Variants in TC2N observed in about 807,000 individuals in gnomAD.
TC2N encodes tandem C2 domains, nuclear, also known as tandem C2 domains nuclear protein.
A neutral mutation model predicts 61.9 loss-of-function variants in TC2N; 51 were observed. The observed-to-expected ratio is 0.82, with a 90% CI of 0.66 to 1.04. The LOEUF (loss-of-function observed/expected upper bound fraction) is 1.04. TC2N is among the 50% of genes least tolerant of loss of function. TC2N has a pLI of 0.00. For synonymous variants in TC2N, 204 were observed against 192.6 expected (o/e 1.06, Z -0.49); for missense variants, 556 against 566.7 (o/e 0.98, Z 0.19).
intron 8 of TC2N, 119 bp from the exon 9 acceptor site, chr14:91,792,677 T>C (rs1885720212): frequency 2.0e-6 from 1 of 495,798 alleles, no homozygotes; most frequent in Admixed American, 3.7e-5. Flanking sequence ...CAACAAAACA[T>C]CTTTTTAATG....
chr14:91,803,462 A>G (rs1409977122), intron 3 of TC2N, among the ~76,000 whole-genome samples: 1 of 150,624 alleles, frequency 6.6e-6, no homozygotes, highest in Non-Finnish European at 1.5e-5. Flanking sequence ...TTTATTTATT[A>G]TTATTTTTGA....
rs1277648268 is a variant in TC2N at position 91,802,308 on chromosome 14, C to T, written c.415G>A (p.Asp139Asn). 4.4e-6 allele frequency: 7 copies of T among 1,604,842 alleles called. No homozygotes were observed. The highest frequency in any genetic ancestry group is 1.3e-5 in the African/African-American group (1 of 74,294). ...PFYMYQHISP[D>N]LSRRFPPRSE... is the part of the protein sequence containing the mutation. ...CGGGGAGGAAAGCGTCGACTCAAAT[C>T]AGGTGAAATGTGCTGATACATATAG... Residue 139 changes from aspartate (D) to asparagine (N), a missense_variant, in exon 4 of 12, where the codon GAT (aspartate) becomes AAT (asparagine). Asp to Asn is a conservative substitution (Grantham distance 23). Transcript: ENST00000435962.
At chr14:91,805,323 T>C (rs1190447629) in intron 3 of TC2N, among the ~76,000 whole-genome samples, 1 of 152,238 alleles carries the variant, frequency 6.6e-6, no homozygotes, top group East Asian at 1.9e-4. Flanking sequence ...CTGCACACTG[T>C]GTTTATATTT....
Position 91,852,988 on chromosome 14 carries a change from G to A in TC2N, c.-57+14274C>T, listed in dbSNP as rs576799175. Among the ~76,000 whole-genome samples, 13 of 152,028 alleles carry A rather than the reference G, an allele frequency of 8.6e-5. No individual in the cohort carries two copies. The East Asian group carries it at 1.4e-3, about 16-fold the overall frequency. On this transcript the variant is annotated intron_variant, in intron 1 of 11. Transcript: ENST00000435962. The stretch of plus-strand genomic sequence containing the variant: ...CGGGAGGCTGAGGCAGGAGAATGGC[G>A]TGAACCTGGGAGGCAGAGCTTGCAG...
chr14:91,819,088 A>T (rs1281251338), intron 1 of TC2N, among the ~76,000 whole-genome samples: 1 of 152,206 alleles, frequency 6.6e-6, no homozygotes, highest in African/African-American at 2.4e-5. Context: ...CCATAATAAC[A>T]TCATTCAAAA....
intron 3 of TC2N, among the ~76,000 whole-genome samples, chr14:91,806,713 G>A (rs1054450451): frequency 5.3e-5 from 8 of 151,486 alleles, no homozygotes; most frequent in Non-Finnish European, 1.0e-4. Flanking sequence ...ATAAAAGTTC[G>A]AAAAATTTGC....
rs1566767911 is a variant in TC2N, at chr14:91,802,266, G to A, written c.457C>T (p.Leu153=). ...RFPPRSEVKR[L]YGSVCDLRTN... ...AAGATCTTCATACCCGATCCATACA[G>A]TCTCTTCACTTCTGAACGGGGAGGA... is the stretch of plus-strand genomic sequence containing the variant. The change falls in exon 4 of 12, where the codon CTG becomes TTG. Residue 153 remains leucine, a synonymous_variant. Transcript: ENST00000435962. 1 of 1,586,616 alleles carries A rather than the reference G, an allele frequency of 6.3e-7. No homozygotes were observed. The highest frequency in any genetic ancestry group is 8.5e-7 in the Non-Finnish European group (1 of 1,170,194).
chr14:91,856,415 C>A (rs1457226934), intron 1 of TC2N, among the ~76,000 whole-genome samples: 2 of 149,158 alleles, frequency 1.3e-5, no homozygotes, highest in Non-Finnish European at 3.0e-5. Flanking sequence ...ACCTGGGAAG[C>A]AGAAGTAGTT....
At chr14:91,832,198 G>A (rs1011992461) in intron 1 of TC2N, among the ~76,000 whole-genome samples, 6 of 152,068 alleles carry the variant, frequency 3.9e-5, no homozygotes, top group Admixed American at 2.0e-4. Context: ...AGACCAGCCT[G>A]GCCAACATGG....
intron 8 of TC2N, among the ~76,000 whole-genome samples, chr14:91,793,375 A>T (rs575174738): frequency 6.6e-6 from 1 of 152,210 alleles, no homozygotes; most frequent in Non-Finnish European, 1.5e-5. Context: ...GGCAACTAGC[A>T]TAAATATTTT....
Position 91,813,748 on chromosome 14 carries a change from T to A in TC2N, c.22A>T (p.Ser8Cys), listed in dbSNP as rs139717838. MATEFIK[S>C]CCGGCFYGET... ...CCATAGAAACATCCTCCACAGCAAC[T>A]CTTTATAAATTCTGTTGCCATTACA... Residue 8 changes from serine to cysteine, a missense_variant, in exon 2 of 12, where the codon AGT (serine) becomes TGT (cysteine). Physicochemically the swap from Ser to Cys is moderately radical, Grantham distance 112. Transcript: ENST00000435962. 10 of 1,609,590 alleles carry A rather than the reference T, an allele frequency of 6.2e-6. No homozygotes were observed. The African/African-American group carries it at 1.2e-4, about 19-fold the overall frequency.
chr14:91,850,970 T>A (rs1201664954), intron 1 of TC2N, among the ~76,000 whole-genome samples: 1 of 152,146 alleles, frequency 6.6e-6, no homozygotes, highest in Admixed American at 6.6e-5. Flanking sequence ...TGATGAGCTA[T>A]CACTGTCTCT....
intron 3 of TC2N, among the ~76,000 whole-genome samples, chr14:91,806,842 G>C (rs1013441917): frequency 2.0e-5 from 3 of 152,206 alleles, no homozygotes; most frequent in African/African-American, 2.4e-5. Context: ...ATGGGAAAAT[G>C]TCTTCAGGCT....
At chr14:91,821,717 G>A (rs983572464) in intron 1 of TC2N, among the ~76,000 whole-genome samples, 9 of 151,864 alleles carry the variant, frequency 5.9e-5, no homozygotes, top group Non-Finnish European at 8.8e-5. Flanking sequence ...AAGACCACTC[G>A]GAGACTGAGA....
chr14:91,848,043 A>G (rs1437817362), intron 1 of TC2N, among the ~76,000 whole-genome samples: 3 of 152,240 alleles, frequency 2.0e-5, no homozygotes, highest in Non-Finnish European at 4.4e-5. Flanking sequence ...AATGCTCTTA[A>G]GAGAAAGTAA....
At chr14:91,803,747 C>CCAT (rs1204224632) in intron 3 of TC2N, among the ~76,000 whole-genome samples, 1 of 152,168 alleles carries the variant, frequency 6.6e-6, no homozygotes, top group African/African-American at 2.4e-5. Flanking sequence ...TGAACCACCA[C>CCAT]GACCAGCCTA....
chr14:91,843,522 A>C (rs1888204704), intron 1 of TC2N, among the ~76,000 whole-genome samples: 1 of 152,224 alleles, frequency 6.6e-6, no homozygotes, highest in African/African-American at 2.4e-5. Flanking sequence ...AAGATTTAAC[A>C]ACTTTTCAGA....
intron 1 of TC2N, among the ~76,000 whole-genome samples, chr14:91,854,111 C>G (rs1003391971): frequency 6.6e-6 from 1 of 152,024 alleles, no homozygotes; most frequent in Non-Finnish European, 1.5e-5. Context: ...CAGGAGATGG[C>G]TGATCTAAGT....
intron 1 of TC2N, among the ~76,000 whole-genome samples, chr14:91,854,508 TGG>T (rs1888443143): frequency 2.1e-5 from 2 of 95,070 alleles, no homozygotes; most frequent in Non-Finnish European, 4.1e-5. Context: ...GAGAAGGAGG[TGG>T]AGGAGGAGGA....
Sources: gnomAD v4.1 joint callset for allele counts (sites outside exome capture counted in the v4.1 genomes callset) on GRCh38, gnomAD v4.1.1 for gene constraint, MANE v1.5 for transcripts, NCBI Gene and HGNC (gene_info 2026-07-23, HGNC 2026-07-21) for gene names.